Variants in GRB10 observed in about 807,000 individuals in gnomAD.
GRB10 encodes growth factor receptor-bound protein 10.
Under a neutral mutation model 80.9 loss-of-function variants are expected in GRB10, and 20 were observed. The ratio of observed to expected loss-of-function variants is 0.25; its 90% CI spans 0.17 to 0.36. The LOEUF is 0.36. Among genes scored for constraint, GRB10 ranks in the 10% least tolerant of loss-of-function variants. The pLI is 1.00. For synonymous variants in GRB10, 291 were observed against 291.5 expected (o/e 1.00, Z 0.02); for missense variants, 548 against 747.7 (o/e 0.73, Z 3.12).
chr7:50,615,223 T>G (rs1347993841), intron 11 of GRB10, among the ~76,000 whole-genome samples: 2 of 152,196 alleles, frequency 1.3e-5, no homozygotes, highest in African/African-American at 4.8e-5. Context: ...AGGGCCTGTC[T>G]GCCTTTGGTT....
At chr7:50,772,218 G>A (rs1003718219) in intron 2 of GRB10, among the ~76,000 whole-genome samples, 12 of 152,176 alleles carry the variant, frequency 7.9e-5, no homozygotes, top group Non-Finnish European at 1.8e-4. Context: ...GGCATTTGCT[G>A]TAACCCTCAA....
At chr7:50,657,016 G>A (rs1173919342) in intron 7 of GRB10, among the ~76,000 whole-genome samples, 1 of 152,186 alleles carries the variant, frequency 6.6e-6, no homozygotes, top group Non-Finnish European at 1.5e-5. Flanking sequence ...AAATTATCTG[G>A]TCACTGTGAA....
At chr7:50,763,479 T>C (rs2075998623) in intron 2 of GRB10, among the ~76,000 whole-genome samples, 1 of 152,206 alleles carries the variant, frequency 6.6e-6, no homozygotes, top group African/African-American at 2.4e-5. Context: ...TTTCAGACTT[T>C]AGTCTTAGGC....
intron 2 of GRB10, among the ~76,000 whole-genome samples, chr7:50,764,147 C>G (rs918036239): frequency 6.8e-6 from 1 of 146,854 alleles, no homozygotes; most frequent in African/African-American, 2.8e-5. Flanking sequence ...TGCCTTCCAC[C>G]TTCCCCTGCT....
chr7:50,616,648 G>A (rs979905616), intron 10 of GRB10, among the ~76,000 whole-genome samples: 1 of 152,208 alleles, frequency 6.6e-6, no homozygotes, highest in African/African-American at 2.4e-5. Context: ...CTGAGGGCAA[G>A]AGCAAGTGCC....
chr7:50,742,393 C>T (rs1223295492), intron 3 of GRB10, among the ~76,000 whole-genome samples: 1 of 152,052 alleles, frequency 6.6e-6, no homozygotes, highest in African/African-American at 2.4e-5. Context: ...TGATGGGACT[C>T]AATGAAGGAG....
rs1287028125 is a variant in GRB10 at position 50,669,797 on chromosome 7, A to G, written c.429T>C (p.Pro143=). The change falls in exon 7 of 19, where the codon CCT becomes CCC. Residue 143 remains proline, a synonymous_variant. Coordinates refer to ENST00000401949, the MANE Select transcript of GRB10 (RefSeq NM_001350814.2). The part of the protein sequence containing the change: ...SSLPAIPNPF[P]ELCGPGSPPV... ...GGGGGCTCCCAGGGCCACAGAGTTC[A>G]GGAAAAGGATTGGGGATGGCCGGCA... The G allele has an allele frequency of 6.8e-6, 11 of 1,613,976 alleles. No individual in the cohort carries two copies. The highest frequency in any genetic ancestry group is 8.5e-6 in the Non-Finnish European group (10 of 1,180,006).
intron 4 of GRB10, among the ~76,000 whole-genome samples, chr7:50,721,870 G>C (rs2067805038): frequency 6.6e-6 from 1 of 152,240 alleles, no homozygotes; most frequent in African/African-American, 2.4e-5. Flanking sequence ...GTGTGGCAGG[G>C]ACTGCTGTGG....
At chr7:50,761,152 G>A (rs1453460909) in intron 2 of GRB10, among the ~76,000 whole-genome samples, 2 of 152,210 alleles carry the variant, frequency 1.3e-5, no homozygotes, top group Non-Finnish European at 2.9e-5. Context: ...TATATGCCAA[G>A]GCCACACAGT....
intron 2 of GRB10, among the ~76,000 whole-genome samples, chr7:50,769,615 C>A (rs1186983711): frequency 6.6e-6 from 1 of 152,170 alleles, no homozygotes; most frequent in Non-Finnish European, 1.5e-5. Flanking sequence ...TCTCTGAGCA[C>A]CACACTAAGG....
At chr7:50,714,145 C>T (rs967859774) in intron 4 of GRB10, among the ~76,000 whole-genome samples, 1 of 152,132 alleles carries the variant, frequency 6.6e-6, no homozygotes, top group Non-Finnish European at 1.5e-5. Flanking sequence ...TATTCAGACA[C>T]CAAAATATCC....
intron 3 of GRB10, among the ~76,000 whole-genome samples, chr7:50,742,490 T>C (rs905728528): frequency 2.0e-5 from 3 of 152,206 alleles, no homozygotes; most frequent in African/African-American, 4.8e-5. Flanking sequence ...ACATACAGCA[T>C]GGGCATCACC....
intron 7 of GRB10, chr7:50,645,783 A>T (rs1320008878): frequency 4.4e-6 from 1 of 226,256 alleles, no homozygotes; most frequent in East Asian, 1.8e-4. Context: ...TTGCCTGGAC[A>T]CAGTCCCCTC....
intron 12 of GRB10, among the ~76,000 whole-genome samples, chr7:50,614,262 G>C (rs966941941): frequency 6.6e-6 from 1 of 152,214 alleles, no homozygotes; most frequent in Non-Finnish European, 1.5e-5. Context: ...GCACGTGTGG[G>C]TATGTGCATG....
chr7:50,611,030 G>A (rs1316191460), intron 13 of GRB10, among the ~76,000 whole-genome samples: 1 of 150,034 alleles, frequency 6.7e-6, no homozygotes, highest in Admixed American at 6.7e-5. Flanking sequence ...TGATTCATTT[G>A]CAGATTAAAA....
chr7:50,619,840 T>C (rs1328649400), intron 8 of GRB10, among the ~76,000 whole-genome samples: 1 of 152,128 alleles, frequency 6.6e-6, no homozygotes, highest in Non-Finnish European at 1.5e-5. Flanking sequence ...CGCACGCACA[T>C]CATGGAATAG....
At chr7:50,648,952 C>T (rs1454874788) in intron 7 of GRB10, among the ~76,000 whole-genome samples, 1 of 152,164 alleles carries the variant, frequency 6.6e-6, no homozygotes, top group Non-Finnish European at 1.5e-5. Flanking sequence ...TCAGCTGCCT[C>T]TTCTTCCTGC....
At chr7:50,744,237 G>T (rs150239136) in intron 3 of GRB10, among the ~76,000 whole-genome samples, 1 of 152,184 alleles carries the variant, frequency 6.6e-6, no homozygotes, top group Non-Finnish European at 1.5e-5. Context: ...AAGAAACCGC[G>T]TAGAACCATC....
At chr7:50,721,333 C>T (rs563996947) in intron 4 of GRB10, among the ~76,000 whole-genome samples, 31 of 152,306 alleles carry the variant, frequency 2.0e-4, no homozygotes, top group Non-Finnish European at 4.0e-4. Flanking sequence ...CCTCCCTCTG[C>T]CCAGGATGCG....
Sources: allele counts gnomAD v4.1 joint callset (sites outside exome capture counted in the v4.1 genomes callset), GRCh38; gene constraint gnomAD v4.1.1; transcripts MANE v1.5; gene names NCBI Gene and HGNC (gene_info 2026-07-23, HGNC 2026-07-21).